Variants in NR2F1-AS1 observed in about 807,000 individuals in gnomAD.
NR2F1-AS1 encodes the protein NR2F1 antisense RNA 1.
intron 4 of NR2F1-AS1, among the ~76,000 whole-genome samples, chr5:93,486,686 A>ATT (rs879929030): frequency 1.3e-5 from 2 of 152,236 alleles, no homozygotes; most frequent in African/African-American, 4.8e-5. Context: ...GACTGGTACT[A>ATT]TTCCTTCTGA....
intron 4 of NR2F1-AS1, among the ~76,000 whole-genome samples, chr5:93,552,464 A>G (rs1425806333): frequency 6.6e-6 from 1 of 152,186 alleles, no homozygotes; most frequent in African/African-American, 2.4e-5. Context: ...GGTAAGGGAA[A>G]AGGCTGCCAG....
intron 4 of NR2F1-AS1, among the ~76,000 whole-genome samples, chr5:93,527,117 T>C (rs1003366886): frequency 9.9e-5 from 15 of 152,160 alleles, no homozygotes; most frequent in Middle Eastern, 3.2e-3. Flanking sequence ...CAGCCCAAAA[T>C]TCCCTTAAGC....
At chr5:93,432,058 A>AGACT (rs1401651651) in intron 4 of NR2F1-AS1, among the ~76,000 whole-genome samples, 14 of 152,212 alleles carry the variant, frequency 9.2e-5, no homozygotes, top group Non-Finnish European at 2.9e-5. Flanking sequence ...CTCCCTGCAT[A>AGACT]GACTATATGC....
chr5:93,564,792 A>G (rs1417781226), intron 1 of NR2F1-AS1, among the ~76,000 whole-genome samples: 1 of 152,232 alleles, frequency 6.6e-6, no homozygotes, highest in Admixed American at 6.5e-5. Flanking sequence ...AAAGAGATCA[A>G]AAAATTAACT....
intron 4 of NR2F1-AS1, among the ~76,000 whole-genome samples, chr5:93,432,776 CG>C (rs1415728904): frequency 1.3e-5 from 2 of 152,108 alleles, no homozygotes; most frequent in African/African-American, 4.8e-5. Flanking sequence ...CTCCTTAATT[CG>C]GTACTACCTG....
intron 4 of NR2F1-AS1, among the ~76,000 whole-genome samples, chr5:93,428,285 A>G (rs1271837747): frequency 6.6e-6 from 1 of 152,190 alleles, no homozygotes; most frequent in Admixed American, 6.5e-5. Context: ...CACTCACAAA[A>G]ATGTGAGAAC....
chr5:93,459,036 A>G (rs1375179277), intron 4 of NR2F1-AS1, among the ~76,000 whole-genome samples: 4 of 152,108 alleles, frequency 2.6e-5, no homozygotes, highest in Non-Finnish European at 5.9e-5. Context: ...AAGAAAATAA[A>G]AAGGCACACC....
chr5:93,411,259 C>G lies in NR2F1-AS1; in HGVS notation n.639-15717G>C, dbSNP rs547061133. 3.9e-5 allele frequency: 6 copies of G among 152,346 alleles called. No individual in the cohort carries two copies. In the East Asian group the frequency reaches 1.2e-3, roughly 29 times the overall value. 9.4% of individuals were successfully genotyped at this position (152,346 alleles called of 1,614,324 possible). On this transcript the variant is annotated intron_variant and non_coding_transcript_variant, in intron 4 of 5. Coordinates refer to ENST00000660523, the Ensembl canonical transcript of NR2F1-AS1. Reference sequence around the variant, plus strand: ...GGGGTTGCACTGATTTAAGGAGCAGCTGAGATGAAAAGGCTAGCTTCGATC... The same window carrying G: ...GGGGTTGCACTGATTTAAGGAGCAGGTGAGATGAAAAGGCTAGCTTCGATC...
At chr5:93,451,594 G>A (rs1056348897) in intron 4 of NR2F1-AS1, among the ~76,000 whole-genome samples, 2 of 151,988 alleles carry the variant, frequency 1.3e-5, no homozygotes, top group Non-Finnish European at 2.9e-5. Flanking sequence ...GTAGAGGGGG[G>A]GTTCTGCCAT....
chr5:93,581,723 T>TC (rs1753051249), upstream of NR2F1-AS1, among the ~76,000 whole-genome samples: 1 of 56,054 alleles, frequency 1.8e-5, no homozygotes, highest in Non-Finnish European at 3.2e-5. Context: ...TCTCTCTCTC[T>TC]CTCTCTCTCT....
chr5:93,435,819 A>G (rs1749421608), intron 4 of NR2F1-AS1, among the ~76,000 whole-genome samples: 2 of 152,234 alleles, frequency 1.3e-5, no homozygotes, highest in Non-Finnish European at 2.9e-5. Context: ...GGTTTAACCC[A>G]TCAATGGTTA....
intron 4 of NR2F1-AS1, chr5:93,544,017 T>C (rs1752018398): frequency 1.3e-5 from 2 of 152,134 alleles, no homozygotes; most frequent in Admixed American, 6.5e-5. Flanking sequence ...TCAATGGTCA[T>C]TAGATTCCTG....
upstream of NR2F1-AS1, chr5:93,584,699 T>G: frequency 1.5e-5 from 2 of 134,942 alleles, no homozygotes; most frequent in South Asian, 2.3e-4. Flanking sequence ...AGCAGGGGTG[T>G]TGGGGGGGGA....
intron 4 of NR2F1-AS1, among the ~76,000 whole-genome samples, chr5:93,413,103 T>C (rs549398986): frequency 3.6e-4 from 52 of 145,886 alleles, no homozygotes; most frequent in African/African-American, 1.3e-3. Flanking sequence ...TGTGTGTGTG[T>C]GTGTATGCAA....
intron 4 of NR2F1-AS1, among the ~76,000 whole-genome samples, chr5:93,548,905 A>C (rs536494532): frequency 2.0e-5 from 3 of 152,236 alleles, no homozygotes; most frequent in Non-Finnish European, 2.9e-5. Context: ...TAAACAAGTA[A>C]ATTGATGCTT....
At chr5:93,464,456 A>G (rs1416820889) in intron 4 of NR2F1-AS1, among the ~76,000 whole-genome samples, 1 of 152,236 alleles carries the variant, frequency 6.6e-6, no homozygotes, top group East Asian at 1.9e-4. Flanking sequence ...GTTTTCAATT[A>G]CCCTTCTAAT....
At chr5:93,472,625 G>A (rs2149870967) in intron 4 of NR2F1-AS1, among the ~76,000 whole-genome samples, 1 of 151,780 alleles carries the variant, frequency 6.6e-6, no homozygotes, top group Non-Finnish European at 1.5e-5. Context: ...AAATCTGTGG[G>A]TTGTTTTTGG....
At chr5:93,412,259 C>T (rs900839309) in intron 4 of NR2F1-AS1, among the ~76,000 whole-genome samples, 1 of 152,196 alleles carries the variant, frequency 6.6e-6, no homozygotes, top group Non-Finnish European at 1.5e-5. Flanking sequence ...TCTCCTCAGC[C>T]TGGAATAAGA....
chr5:93,417,950 A>C (rs1749002310), intron 4 of NR2F1-AS1, among the ~76,000 whole-genome samples: 1 of 152,164 alleles, frequency 6.6e-6, no homozygotes, highest in African/African-American at 2.4e-5. Context: ...CACCTGGAGC[A>C]CTTAAGAGTC....
Sources: gnomAD v4.1 joint callset for allele counts (sites outside exome capture counted in the v4.1 genomes callset) on GRCh38, gnomAD v4.1.1 for gene constraint, MANE v1.5 for transcripts, NCBI Gene and HGNC (gene_info 2026-07-23, HGNC 2026-07-21) for gene names.